The following TAF1C variants were observed in gnomAD, a reference collection of about 807,000 sequenced individuals.
The protein encoded by TAF1C is TATA box-binding protein-associated factor RNA polymerase I subunit C.
In TAF1C, 79 loss-of-function variants were observed where a neutral mutation model predicts 70.5. The ratio of observed to expected loss-of-function variants is 1.12; its 90% CI spans 0.93 to 1.35. TAF1C has a LOEUF of 1.35. Among genes scored for constraint, TAF1C ranks in the 40% most tolerant of loss-of-function variants. The pLI is 0.00. For missense variants in TAF1C, 1,412 were observed against 1,127.8 expected (o/e 1.25, Z -3.61); for synonymous variants, 614 against 491.1 (o/e 1.25, Z -3.31).
In TAF1C at chr16:84,179,264, T is replaced by C. The variant is rs775082421; in HGVS notation, c.2209A>G (p.Ser737Gly). 6.3e-7 allele frequency: 1 copy of C among 1,586,278 alleles called. No homozygotes were observed. Among genetic ancestry groups the C allele is most frequent in the Non-Finnish European group, 8.5e-7 (1 of 1,172,380 alleles). ...RTQLSSSFSLSGHVDPSEDTS... is the reference protein window; with the variant it reads ...RTQLSSSFSLGGHVDPSEDTS... ...TCCTCTGAGGGATCCACATGGCCAC[T>C]GAGCGAAAAGCTGCTGGACAGCTGG... is the stretch of plus-strand genomic sequence containing the variant. The change falls in exon 15 of 15, where the codon AGT becomes GGT. Residue 737 changes from serine (S) to glycine (G), a missense_variant. By Grantham distance (56) the Ser-to-Gly change is moderately conservative (BLOSUM62 0). Transcript: ENST00000566732.
chr16:84,179,335 C>G lies in TAF1C; in HGVS notation c.2138G>C (p.Arg713Thr), dbSNP rs1208901482. 1 of 1,601,180 alleles carries G rather than the reference C, an allele frequency of 6.2e-7. No individual in the cohort carries two copies. Among genetic ancestry groups the G allele is most frequent in the Non-Finnish European group, 8.5e-7 (1 of 1,179,214 alleles). ...GGTCTGTCTCCCGGGCTCCGAGGTC[C>G]TGCCCTGCTGCCTCTCCCACCAGGC... is the stretch of plus-strand genomic sequence containing the variant. ...GAAWWERQQG[R>T]TSEPGRQTRR... Residue 713 changes from arginine (R) to threonine (T), a missense_variant, in exon 15 of 15, where the codon AGG becomes ACG. By Grantham distance (71) the Arg-to-Thr change is moderately conservative. Coordinates refer to ENST00000566732, the MANE Select transcript of TAF1C (RefSeq NM_001243156.2).
In TAF1C at chr16:84,184,980, G is replaced by A. The variant is rs1567600749; in HGVS notation, c.9C>T (p.Phe3=). ...ACAATGCAGGGCGGAGGGAGCTGGG[G>A]AAGTCCATCCTGGAAACAAGGACCA... MD[F]PSSLRPALFL... is the part of the protein sequence containing the mutation. The change falls in exon 2 of 15, where the codon TTC becomes TTT. Residue 3 remains phenylalanine (F), a synonymous_variant. Coordinates refer to ENST00000566732, the MANE Select transcript of TAF1C (RefSeq NM_001243156.2). 3 of 1,613,302 alleles carry A rather than the reference G, an allele frequency of 1.9e-6. No homozygotes were observed. The highest frequency in any genetic ancestry group is 4.5e-5 in the East Asian group (2 of 44,872).
Position 84,185,047 on chromosome 16 carries a change from G to C in TAF1C, c.-59C>G. ...CCTCGAGAGACTGGAAGCTGGTAAG[G>C]GGCGCCAGAGTTCCTGAGGAGTGAA... On this transcript the variant is annotated 5_prime_UTR_variant, in exon 2 of 15. Transcript: ENST00000566732. The C allele has an allele frequency of 6.3e-7, 1 of 1,575,182 alleles. No homozygotes were observed.
In TAF1C at chr16:84,181,620, C is replaced by G. The variant is rs1357396220; in HGVS notation, c.1000G>C (p.Ala334Pro). The change falls in exon 10 of 15, where the codon GCC (alanine) becomes CCC (proline). Residue 334 changes from alanine (A) to proline (P), a missense_variant. Physicochemically the swap from Ala to Pro is conservative, Grantham distance 27 (BLOSUM62 -1). Coordinates refer to ENST00000566732, the MANE Select transcript of TAF1C (RefSeq NM_001243156.2). ...GELAICSRSGAVCLWSPEDGL... is the reference protein window; with the variant it reads ...GELAICSRSGPVCLWSPEDGL... ...TCCTCAGGGCTCCACAGGCAGACGGCTCCCGAGCGGCTGCAGATGGCCAGC... is the reference window on the plus strand; with the variant it reads ...TCCTCAGGGCTCCACAGGCAGACGGGTCCCGAGCGGCTGCAGATGGCCAGC... 1.4e-5 allele frequency: 22 copies of G among 1,613,856 alleles called. No individual in the cohort carries two copies. Among genetic ancestry groups the G allele is most frequent in the Non-Finnish European group, 1.4e-5 (17 of 1,179,982 alleles).
intron 12 of TAF1C, 68 bp downstream of exon 12, chr16:84,180,975 G>C (rs1311375000): frequency 3.9e-6 from 6 of 1,520,212 alleles, no homozygotes; most frequent in Non-Finnish European, 5.3e-6. Context: ...CCGCTGGTAA[G>C]CAGCAGCCTC....
chr16:84,185,085 G>A, intron 1 of TAF1C, 25 bp from the exon 2 acceptor site: 1 of 1,413,976 alleles, frequency 7.1e-7, no homozygotes, highest in Non-Finnish European at 9.5e-7. Context: ...GTGCACTACG[G>A]GAAGCATATG....
Position 84,182,385 on chromosome 16 carries a change from G to C in TAF1C, c.538C>G (p.Pro180Ala), listed in dbSNP as rs553857190. ...RQRRFSILGG[P>A]ILGTSVASHL... is the part of the protein sequence containing the mutation. ...CTCGCCACCGACGTGCCCAGGATGG[G>C]GCCCCCGAGGATAGAGAAGCGGCGC... is the stretch of plus-strand genomic sequence containing the variant. The change falls in exon 7 of 15, where the codon CCC (proline) becomes GCC (alanine). Residue 180 changes from proline to alanine, a missense_variant. Physicochemically the swap from Pro to Ala is conservative, Grantham distance 27. Coordinates refer to ENST00000566732, the MANE Select transcript of TAF1C (RefSeq NM_001243156.2). This position sits in a 1 kb window ranked among gnomAD's most constrained non-coding sequence, Gnocchi z 5.0. 6.2e-7 allele frequency: 1 copy of C among 1,607,312 alleles called. No individual in the cohort carries two copies. The highest frequency in any genetic ancestry group is 1.1e-5 in the South Asian group (1 of 90,446).
At position 84,182,533 on chromosome 16, in the gene TAF1C, C is replaced by A. The variant is rs965206452; in HGVS notation, c.483-93G>T. 14 of 1,180,926 alleles carry A rather than the reference C, an allele frequency of 1.2e-5. No homozygotes were observed. Among genetic ancestry groups the A allele is most frequent in the Non-Finnish European group, 1.5e-5 (13 of 855,470 alleles). 73.2% of individuals were successfully genotyped at this position (1,180,926 alleles called of 1,614,324 possible). A position where few individuals can be genotyped will look rare whatever the true frequency, so the allele number is the denominator to read the frequency against. On this transcript the variant is annotated intron_variant, in intron 6 of 14. Transcript: ENST00000566732. The surrounding 1 kb of genome is among the most constrained non-coding windows in gnomAD (Gnocchi z 5.0). Reference sequence around the variant, plus strand: ...GAGGCCAAGTGCAGTGGACACATTTCTTATTTACCTAGAATTTCTTCCTTT... The same window carrying A: ...GAGGCCAAGTGCAGTGGACACATTTATTATTTACCTAGAATTTCTTCCTTT...
rs903781256 is a variant in TAF1C, at chr16:84,180,220, G to T, written c.1433C>A (p.Pro478His). Residue 478 changes from proline to histidine, a missense_variant, in exon 13 of 15, where the codon CCC (proline) becomes CAC (histidine). Physicochemically the swap from Pro to His is moderately conservative, Grantham distance 77 (BLOSUM62 -2). Coordinates refer to ENST00000566732, the MANE Select transcript of TAF1C (RefSeq NM_001243156.2). Reference sequence around the variant, plus strand: ...CCCACCCTGGCCTCCGAGGAGCAGGGGCTGCACGCAGCTGGGCCGGGGCGG... The same window carrying T: ...CCCACCCTGGCCTCCGAGGAGCAGGTGCTGCACGCAGCTGGGCCGGGGCGG... ...LPPPRPSCVQ[P>H]LLLGGQGGQL... 9 of 1,542,872 alleles carry T rather than the reference G, an allele frequency of 5.8e-6. No individual in the cohort carries two copies. The highest frequency in any genetic ancestry group is 2.2e-5 in the Admixed American group (1 of 45,370).
rs1318684633 is a variant in TAF1C at position 84,182,104 on chromosome 16, AG to A, written c.722-47del. On this transcript the variant is annotated intron_variant, in intron 7 of 14. Coordinates refer to ENST00000566732, the MANE Select transcript of TAF1C (RefSeq NM_001243156.2). The surrounding 1 kb of genome is among the most constrained non-coding windows in gnomAD (Gnocchi z 5.0). ...CAGTGCACGAGCTATGATCACTGCA[AG>A]CCCCCCAAATTCCTGCCCTTCTCTG... 1 of 1,597,696 alleles carries A rather than the reference AG, an allele frequency of 6.3e-7. No homozygotes were observed. Among genetic ancestry groups the A allele is most frequent in the African/African-American group, 1.3e-5 (1 of 74,536 alleles).
Position 84,181,072 on chromosome 16 carries a change from G to A in TAF1C, c.1279C>T (p.Pro427Ser), listed in dbSNP as rs2089153806. The change falls in exon 12 of 15, where the codon CCC becomes TCC. Residue 427 changes from proline to serine, a missense_variant. Pro to Ser is a moderately conservative substitution (Grantham distance 74). Coordinates refer to ENST00000566732, the MANE Select transcript of TAF1C (RefSeq NM_001243156.2). ...YLGHSSPKCL[P>S]PTLHLVCTQF... ...GTACAGACGAGATGAAGAGTAGGGGGGAGGCATTTGGGGCTGGAGTGCCCC... is the reference window on the plus strand; with the variant it reads ...GTACAGACGAGATGAAGAGTAGGGGAGAGGCATTTGGGGCTGGAGTGCCCC... 6.2e-7 allele frequency: 1 copy of A among 1,611,982 alleles called. No homozygotes were observed. Among genetic ancestry groups the A allele is most frequent in the Admixed American group, 1.7e-5 (1 of 59,946 alleles).
intron 11 of TAF1C, 25 bp from the exon 12 acceptor site, chr16:84,181,211 C>A: frequency 1.3e-6 from 2 of 1,595,132 alleles, no homozygotes; most frequent in Non-Finnish European, 8.6e-7. Flanking sequence ...CAGGGTCAGC[C>A]CTCCCCACAG....
In TAF1C at chr16:84,182,988, C is replaced by A; in HGVS notation, c.482+88G>T. ...TGGAGCAGGGGGGAAGTGGGTATGACGGAAAGCTGTACGTGCGTCCTAGCA... is the reference window on the plus strand; with the variant it reads ...TGGAGCAGGGGGGAAGTGGGTATGAAGGAAAGCTGTACGTGCGTCCTAGCA... On this transcript the variant is annotated intron_variant, in intron 6 of 14. Transcript: ENST00000566732. The surrounding 1 kb of genome is among the most constrained non-coding windows in gnomAD (Gnocchi z 5.0). The A allele has an allele frequency of 7.3e-7, 1 of 1,375,568 alleles. No individual in the cohort carries two copies. Among genetic ancestry groups the A allele is most frequent in the Non-Finnish European group, 1.0e-6 (1 of 967,402 alleles). The allele number at this position is 1,375,568 out of a possible 1,614,324, so 85.2% of individuals were successfully genotyped here.
Position 84,178,098 on chromosome 16 carries a change from A to G in TAF1C, c.*843T>C, listed in dbSNP as rs560121855. On this transcript the variant is annotated 3_prime_UTR_variant, in exon 15 of 15. Transcript: ENST00000566732. The stretch of plus-strand genomic sequence containing the variant: ...ACAGGAAAACAGAATCTTCCACTGC[A>G]GCTAGAGAAACTCCGAGGAAGAGGG... 1 of 466,666 alleles carries G rather than the reference A, an allele frequency of 2.1e-6. No homozygotes were observed. Among genetic ancestry groups the G allele is most frequent in the Non-Finnish European group, 4.0e-6 (1 of 251,264 alleles). The allele number at this position is 466,666 out of a possible 1,614,324, so 28.9% of individuals were successfully genotyped here.
At position 84,181,408 on chromosome 16, in the gene TAF1C, A is replaced by C. The variant is rs1422326388; in HGVS notation, c.1084T>G (p.Trp362Gly). 3.7e-6 allele frequency: 6 copies of C among 1,613,870 alleles called. No homozygotes were observed. The South Asian group carries it at 6.6e-5, about 18-fold the overall frequency. The change falls in exon 11 of 15, where the codon TGG (tryptophan) becomes GGG (glycine). Residue 362 changes from tryptophan (W) to glycine (G), a missense_variant. Physicochemically the swap from Trp to Gly is radical, Grantham distance 184. Coordinates refer to ENST00000566732, the MANE Select transcript of TAF1C (RefSeq NM_001243156.2). ...TGCGCAGTGAAGTCTGCCCAACGCC[A>C]CGAAGAGGAGTCCCGGAACACGAGG... is the stretch of plus-strand genomic sequence containing the variant. ...ETLVFRDSSS[W>G]RWADFTAHPR...
chr16:84,179,665 G>C lies in TAF1C; in HGVS notation c.1808C>G (p.Thr603Ser), dbSNP rs752064118. The C allele has an allele frequency of 4.3e-6, 7 of 1,612,578 alleles. No homozygotes were observed. Among genetic ancestry groups the C allele is most frequent in the African/African-American group, 1.3e-5 (1 of 74,924 alleles). ...PDCHAPTASWTSQDTAGCSQW... is the reference protein window; with the variant it reads ...PDCHAPTASWSSQDTAGCSQW... ...GCTGCAGCCGGCAGTGTCCTGGGAGGTCCAGGAAGCTGTGGGGGCATGGCA... is the reference window on the plus strand; with the variant it reads ...GCTGCAGCCGGCAGTGTCCTGGGAGCTCCAGGAAGCTGTGGGGGCATGGCA... Residue 603 changes from threonine (T) to serine (S), a missense_variant, in exon 15 of 15, where the codon ACC becomes AGC. Thr to Ser is a moderately conservative substitution (Grantham distance 58). Coordinates refer to ENST00000566732, the MANE Select transcript of TAF1C (RefSeq NM_001243156.2).
Position 84,184,887 on chromosome 16 carries a change from T to G in TAF1C, c.102A>C (p.Ala34=). 1 of 1,611,248 alleles carries G rather than the reference T, an allele frequency of 6.2e-7. No individual in the cohort carries two copies. Among genetic ancestry groups the G allele is most frequent in the South Asian group, 1.1e-5 (1 of 90,462 alleles). ...DLSFMCSWRD[A]LTLPEAQPQN... ...GGGGCTGGGCCTCTGGCAGAGTCAGTGCGTCTCGCCAGCTGCACATGAAAG... is the reference window on the plus strand; with the variant it reads ...GGGGCTGGGCCTCTGGCAGAGTCAGGGCGTCTCGCCAGCTGCACATGAAAG... Residue 34 remains alanine (A), a synonymous_variant, in exon 2 of 15, where the codon GCA becomes GCC. Coordinates refer to ENST00000566732, the MANE Select transcript of TAF1C (RefSeq NM_001243156.2).
At chr16:84,185,144 A>G (rs1325903178) in intron 1 of TAF1C, 84 bp from the exon 2 acceptor site, 23 of 877,346 alleles carry the variant, frequency 2.6e-5, no homozygotes, top group Non-Finnish European at 3.7e-5. Flanking sequence ...CCCAAGGCCA[A>G]GCAGTAGTGA....
rs2089011031 is a variant in TAF1C, at chr16:84,179,750, G to C, written c.1723C>G (p.Pro575Ala). ...CTGCGGAGGCTGGAGTCCACCTGGG[G>C]GCGGAGCTGCTGGTAGAAGACATCT... Reference protein sequence around the residue: ...AGDVFYQQLRPQVDSSLRRDA... With the variant: ...AGDVFYQQLRAQVDSSLRRDA... Residue 575 changes from proline (P) to alanine (A), a missense_variant, in exon 15 of 15, where the codon CCC becomes GCC. Transcript: ENST00000566732. 2 of 1,610,502 alleles carry C rather than the reference G, an allele frequency of 1.2e-6. No homozygotes were observed. Among genetic ancestry groups the C allele is most frequent in the East Asian group, 4.5e-5 (2 of 44,822 alleles).
Sources: gnomAD v4.1 joint callset for allele counts on GRCh38, gnomAD v4.1.1 for gene constraint, Gnocchi (gnomAD v3.1) non-coding constraint, MANE v1.5 for transcripts, NCBI Gene and HGNC (gene_info 2026-07-23, HGNC 2026-07-21) for gene names.